Variants in TTLL13 observed in about 807,000 individuals in gnomAD.
TTLL13 encodes the protein tubulin polyglutamylase TTLL13.
the TTLL13 span, chr15:90,251,453 A>G: frequency 8.0e-7 from 1 of 1,248,730 alleles, no homozygotes; most frequent in African/African-American, 1.5e-5. Flanking sequence ...AGTGGCTTCT[A>G]GAGAAAAGGA....
the TTLL13 span, among the ~76,000 whole-genome samples, chr15:90,259,742 T>C: frequency 6.6e-6 from 1 of 152,184 alleles, no homozygotes; most frequent in African/African-American, 2.4e-5. Context: ...AACTTTGTCA[T>C]AAAGAAACAC....
the TTLL13 span, chr15:90,263,655 G>A: frequency 1.7e-6 from 1 of 605,452 alleles, no homozygotes; most frequent in Non-Finnish European, 2.9e-6. Flanking sequence ...CGGCCTAGAA[G>A]AGATTTTTTT....
chr15:90,255,903 C>T, the TTLL13 span: 1 of 1,614,066 alleles, frequency 6.2e-7, no homozygotes, highest in South Asian at 1.1e-5. Context: ...GGTCTGGCTT[C>T]CCATGCTGAG....
At chr15:90,255,142 G>A in the TTLL13 span, among the ~76,000 whole-genome samples, 18 of 152,308 alleles carry the variant, frequency 1.2e-4, no homozygotes, top group East Asian at 2.9e-3. Flanking sequence ...CTTTTCCAAC[G>A]GAAAGATTCT....
the TTLL13 span, among the ~76,000 whole-genome samples, chr15:90,252,060 A>C: frequency 1.2e-5 from 1 of 83,868 alleles, no homozygotes; most frequent in East Asian, 1.6e-3. Context: ...TTTTTTTGAG[A>C]CCGAGTTTTG....
At chr15:90,259,202 A>G in the TTLL13 span, 1 of 449,446 alleles carries the variant, frequency 2.2e-6, no homozygotes, top group South Asian at 2.3e-5. Flanking sequence ...TCCCTAAAAC[A>G]CAAAAAAGAA....
At chr15:90,257,263 G>T in the TTLL13 span, 5 of 1,612,032 alleles carry the variant, frequency 3.1e-6, no homozygotes, top group Non-Finnish European at 4.2e-6. Context: ...CCTATATGGA[G>T]CCCAGCCATA....
the TTLL13 span, among the ~76,000 whole-genome samples, chr15:90,253,807 G>C: frequency 6.6e-6 from 1 of 152,332 alleles, no homozygotes; most frequent in South Asian, 2.1e-4. Flanking sequence ...ATGATCCACC[G>C]GGGTCCACAA....
chr15:90,251,206 C>T, the TTLL13 span, among the ~76,000 whole-genome samples: 16 of 147,098 alleles, frequency 1.1e-4, no homozygotes, highest in Admixed American at 3.6e-4. Flanking sequence ...CTCCGCCTCC[C>T]GGGTTCAGGC....
At chr15:90,254,266 G>A in the TTLL13 span, among the ~76,000 whole-genome samples, 3 of 151,536 alleles carry the variant, frequency 2.0e-5, no homozygotes, top group Non-Finnish European at 4.4e-5. Context: ...AGGCCGAGGC[G>A]GGCGGATCAT....
the TTLL13 span, chr15:90,264,048 G>A: frequency 6.5e-7 from 1 of 1,533,916 alleles, no homozygotes; most frequent in East Asian, 2.4e-5. Flanking sequence ...CCAGAATCAG[G>A]CTCACTAGCC....
chr15:90,255,826 G>T, the TTLL13 span: 3 of 1,614,184 alleles, frequency 1.9e-6, no homozygotes, highest in Admixed American at 3.3e-5. Context: ...TCAACCGCAT[G>T]TACAAACTCT....
chr15:90,250,933 A>G, the TTLL13 span: 4 of 1,589,380 alleles, frequency 2.5e-6, no homozygotes, highest in Non-Finnish European at 3.4e-6. Flanking sequence ...CCAGGGAGTC[A>G]CCCATTGGCC....
At chr15:90,262,049 G>A in the TTLL13 span, 1 of 1,535,902 alleles carries the variant, frequency 6.5e-7, no homozygotes, top group Non-Finnish European at 8.7e-7. Context: ...GCTGGACCAG[G>A]AACGATATGA....
chr15:90,265,287 C>G, the TTLL13 span: 1 of 1,225,914 alleles, frequency 8.2e-7, no homozygotes, highest in Non-Finnish European at 1.0e-6. Context: ...GGAGGCCATC[C>G]AGGAGACAAT....
At chr15:90,250,693 T>C in the TTLL13 span, 1 of 1,614,160 alleles carries the variant, frequency 6.2e-7, no homozygotes, top group Non-Finnish European at 8.5e-7. Context: ...AAAAGGAATC[T>C]GAGAAGTGTG....
chr15:90,250,677 T>C, the TTLL13 span: 2 of 1,614,138 alleles, frequency 1.2e-6, no homozygotes, highest in Middle Eastern at 1.6e-4. Context: ...GAAGACTATG[T>C]TGAGGAAAAG....
At chr15:90,263,924 A>G in the TTLL13 span, 1 of 1,467,828 alleles carries the variant, frequency 6.8e-7, no homozygotes, top group Non-Finnish European at 9.2e-7. Flanking sequence ...GCAATCCCAC[A>G]TGTTCCCCGG....
At chr15:90,250,916 C>A in the TTLL13 span, 1 of 1,607,986 alleles carries the variant, frequency 6.2e-7, no homozygotes, top group Non-Finnish European at 8.5e-7. Flanking sequence ...CCCTCAACTG[C>A]CCAGCTCCAG....
Sources: allele counts gnomAD v4.1 joint callset (sites outside exome capture counted in the v4.1 genomes callset), GRCh38; gene constraint gnomAD v4.1.1; transcripts MANE v1.5; gene names NCBI Gene and HGNC (gene_info 2026-07-23, HGNC 2026-07-21).